The following NRXN3 variants were observed in gnomAD, a reference collection of about 807,000 sequenced individuals.
NRXN3 encodes the protein neurexin III.
A neutral mutation model predicts 137.6 loss-of-function variants in NRXN3; 32 were observed. That is an observed-to-expected ratio of 0.23 (90% CI 0.18 to 0.31). NRXN3 has a LOEUF of 0.31. NRXN3 is among the 10% of genes least tolerant of loss of function. NRXN3 has a pLI of 1.00. For synonymous variants in NRXN3, 798 were observed against 784.5 expected, an observed-to-expected ratio of 1.02 and a Z score of -0.29; for missense variants, 1,574 against 2,062.5, an observed-to-expected ratio of 0.76 and a Z score of 4.59.
chr14:78,928,579 C>T (rs2099312819), intron 10 of NRXN3, among the ~76,000 whole-genome samples: 1 of 152,056 alleles, frequency 6.6e-6, no homozygotes, highest in South Asian at 2.1e-4. Flanking sequence ...CGATAGTTTG[C>T]TCAGAATGAT....
At chr14:78,224,820 G>A (rs1328156819) in intron 1 of NRXN3, among the ~76,000 whole-genome samples, 4 of 121,304 alleles carry the variant, frequency 3.3e-5, no homozygotes, top group Admixed American at 2.4e-4. Flanking sequence ...ACTGCGGACT[G>A]CAGTGGCGCA....
chr14:78,714,777 G>C lies in NRXN3; in HGVS notation c.1682G>C (p.Arg561Thr). Residue 561 changes from arginine to threonine, a missense_variant, in exon 8 of 21, where the codon AGG (arginine) becomes ACG (threonine). Arg to Thr is a moderately conservative substitution (Grantham distance 71). Coordinates refer to ENST00000335750, the MANE Select transcript of NRXN3 (RefSeq NM_001330195.2). ...GRSGTISVNS[R>T]RTPFTASGES... is the part of the protein sequence containing the mutation. ...CCAGGTACTATATCAGTGAACAGCA[G>C]GCGCACGCCATTCACCGCCAGTGGG... The C allele has an allele frequency of 6.2e-7, 1 of 1,614,064 alleles. No individual in the cohort carries two copies. Among genetic ancestry groups the C allele is most frequent in the Non-Finnish European group, 8.5e-7 (1 of 1,179,958 alleles).
chr14:79,683,443 T>A (rs1603426694), intron 17 of NRXN3, among the ~76,000 whole-genome samples: 1 of 152,194 alleles, frequency 6.6e-6, no homozygotes, highest in African/African-American at 2.4e-5. Context: ...CAGTGTATCT[T>A]CATTTCCCTA....
chr14:79,006,698 A>G (rs74703532), intron 15 of NRXN3, among the ~76,000 whole-genome samples: 2,169 of 152,282 alleles, frequency 0.014, 54 homozygotes, highest in African/African-American at 0.05. Context: ...ACCATTAAAA[A>G]TGGCTAGAAT....
intron 15 of NRXN3, among the ~76,000 whole-genome samples, chr14:78,990,042 T>C (rs2099515319): frequency 7.1e-6 from 1 of 141,828 alleles, no homozygotes; most frequent in African/African-American, 2.5e-5. Flanking sequence ...CATTCTGGGA[T>C]GTGGAGTATC....
chr14:78,895,851 A>G (rs2099172450), intron 10 of NRXN3, among the ~76,000 whole-genome samples: 1 of 151,906 alleles, frequency 6.6e-6, no homozygotes, highest in African/African-American at 2.4e-5. Flanking sequence ...GAGAATGGCC[A>G]GTAAGTTGAG....
At chr14:79,388,510 G>A (rs1599580306) in intron 15 of NRXN3, among the ~76,000 whole-genome samples, 2 of 152,112 alleles carry the variant, frequency 1.3e-5, no homozygotes, top group Admixed American at 6.5e-5. Flanking sequence ...TTTTCCTTAG[G>A]AACCCAAGAC....
intron 15 of NRXN3, among the ~76,000 whole-genome samples, chr14:79,400,600 C>A (rs1343243235): frequency 6.6e-6 from 1 of 152,144 alleles, no homozygotes; most frequent in East Asian, 1.9e-4. Context: ...GAAAGCACAG[C>A]CTACATAACC....
chr14:79,106,453 G>C (rs932623501), intron 15 of NRXN3, among the ~76,000 whole-genome samples: 2 of 151,668 alleles, frequency 1.3e-5, no homozygotes, highest in African/African-American at 4.8e-5. Context: ...GGAAGACACT[G>C]AACAGAATTC....
intron 19 of NRXN3, among the ~76,000 whole-genome samples, chr14:79,781,053 TA>T (rs5809959): frequency 0.35 from 52,305 of 150,776 alleles, 9,521 homozygotes; most frequent in Middle Eastern, 0.45. Flanking sequence ...TTTTTTTTTT[TA>T]AATAATTAAC....
chr14:78,335,942 A>G (rs2081412079), intron 4 of NRXN3, among the ~76,000 whole-genome samples: 1 of 152,192 alleles, frequency 6.6e-6, no homozygotes, highest in Admixed American at 6.5e-5. Flanking sequence ...TGGGTTCACA[A>G]AAGCCTTCCA....
intron 8 of NRXN3, among the ~76,000 whole-genome samples, chr14:78,746,720 C>G (rs1261220860): frequency 6.6e-6 from 1 of 152,202 alleles, no homozygotes; most frequent in East Asian, 1.9e-4. Flanking sequence ...CTCACTTCTA[C>G]TTGTGCAGAG....
intron 15 of NRXN3, among the ~76,000 whole-genome samples, chr14:79,430,782 A>T (rs777310135): frequency 6.6e-5 from 10 of 152,148 alleles, no homozygotes; most frequent in Non-Finnish European, 1.3e-4. Flanking sequence ...AAGGCCATAT[A>T]AGGAGATAAT....
intron 17 of NRXN3, among the ~76,000 whole-genome samples, chr14:79,686,739 C>T (rs1386528149): frequency 6.6e-6 from 1 of 152,110 alleles, no homozygotes; most frequent in Admixed American, 6.6e-5. Flanking sequence ...CATGTTTGGG[C>T]CATCTTTGCT....
At chr14:79,314,444 C>G (rs2087915737) in intron 15 of NRXN3, among the ~76,000 whole-genome samples, 1 of 26,780 alleles carries the variant, frequency 3.7e-5, no homozygotes, top group Non-Finnish European at 7.6e-5. Context: ...ATTGCTAGCA[C>G]AGCAGTCTGA....
intron 19 of NRXN3, among the ~76,000 whole-genome samples, chr14:79,772,774 A>G (rs1490755151): frequency 1.3e-5 from 2 of 152,114 alleles, no homozygotes; most frequent in Non-Finnish European, 2.9e-5. Context: ...AAAATTGACA[A>G]ATGGGATCTA....
chr14:79,201,304 A>G (rs2065968138), intron 15 of NRXN3: 1 of 152,202 alleles, frequency 6.6e-6, no homozygotes, highest in Non-Finnish European at 1.5e-5. Flanking sequence ...TTTGTCTCTT[A>G]TTGCCAATGC....
intron 14 of NRXN3, among the ~76,000 whole-genome samples, chr14:78,968,901 G>A (rs1211889741): frequency 1.3e-5 from 2 of 152,166 alleles, no homozygotes; most frequent in Non-Finnish European, 2.9e-5. Flanking sequence ...CAGTTCTTTA[G>A]TGTGGTATAT....
At position 79,487,222 on chromosome 14, in the gene NRXN3, G is replaced by A. The variant is rs114373130; in HGVS notation, c.3444+19820G>A. 5.6e-3 allele frequency among the ~76,000 whole-genome samples: 856 copies of A among 152,126 alleles called. 7 individuals are homozygous for A. Among genetic ancestry groups the A allele is most frequent in the African/African-American group, 0.02 (821 of 41,486 alleles). On this transcript the variant is annotated intron_variant, in intron 16 of 20. Coordinates refer to ENST00000335750, the MANE Select transcript of NRXN3 (RefSeq NM_001330195.2). Reference sequence around the variant, plus strand: ...CACTCGGCTCACTGCCTGATCCCACGCTAATGGCCCTTTATATGTTAGCTA... The same window carrying A: ...CACTCGGCTCACTGCCTGATCCCACACTAATGGCCCTTTATATGTTAGCTA...
Sources: allele counts gnomAD v4.1 joint callset (sites outside exome capture counted in the v4.1 genomes callset), GRCh38; gene constraint gnomAD v4.1.1; transcripts MANE v1.5; gene names NCBI Gene and HGNC (gene_info 2026-07-23, HGNC 2026-07-21).